Variants in ENOX1 observed in about 807,000 individuals in gnomAD.
The protein encoded by ENOX1 is ecto-NOX disulfide-thiol exchanger 1.
A neutral mutation model predicts 82.5 loss-of-function variants in ENOX1; 42 were observed. The observed-to-expected ratio is 0.51, with a 90% CI of 0.40 to 0.66. The LOEUF (loss-of-function observed/expected upper bound fraction) is 0.66. Ranked by LOEUF, ENOX1 falls within the 30% of genes least tolerant of loss-of-function variation. The probability of loss-of-function intolerance (pLI) is 0.00; values close to 1 mark genes in which losing one functional copy is unlikely to be tolerated. For missense variants in ENOX1, 608 were observed against 811.6 expected, an observed-to-expected ratio of 0.75 and a Z score of 3.05; for synonymous variants, 271 against 282.2, an observed-to-expected ratio of 0.96 and a Z score of 0.40.
At chr13:43,353,991 A>G (rs368386831) in intron 8 of ENOX1, among the ~76,000 whole-genome samples, 1 of 152,268 alleles carries the variant, frequency 6.6e-6, no homozygotes, top group Non-Finnish European at 1.5e-5. Context: ...TCTTAAAAAC[A>G]ACATAACTAG....
intron 2 of ENOX1, among the ~76,000 whole-genome samples, chr13:43,594,015 C>T (rs1297523232): frequency 2.6e-5 from 4 of 152,090 alleles, no homozygotes; most frequent in Non-Finnish European, 2.9e-5. Context: ...CGCCCAACAA[C>T]GCCAGGCCCC....
At chr13:43,654,436 A>G (rs528165349) in intron 2 of ENOX1, among the ~76,000 whole-genome samples, 1 of 152,346 alleles carries the variant, frequency 6.6e-6, no homozygotes, top group African/African-American at 2.4e-5. Flanking sequence ...ATATTTATGT[A>G]TCTAATGTAT....
intron 2 of ENOX1, among the ~76,000 whole-genome samples, chr13:43,515,502 T>C (rs991513182): frequency 6.6e-6 from 1 of 152,170 alleles, no homozygotes; most frequent in Non-Finnish European, 1.5e-5. Context: ...TATATAATAT[T>C]TTCTACATCC....
chr13:43,285,549 A>G (rs879357122), intron 12 of ENOX1, among the ~76,000 whole-genome samples: 1 of 152,076 alleles, frequency 6.6e-6, no homozygotes, highest in African/African-American at 2.4e-5. Context: ...TCTCTTAGTC[A>G]TATAAGAAGG....
intron 1 of ENOX1, among the ~76,000 whole-genome samples, chr13:43,698,197 A>G (rs2086733896): frequency 6.6e-6 from 1 of 152,162 alleles, no homozygotes; most frequent in Non-Finnish European, 1.5e-5. Context: ...ACTTTACCAT[A>G]TCCAACAGTG....
At chr13:43,416,218 C>T (rs1378553548) in intron 3 of ENOX1, among the ~76,000 whole-genome samples, 1,330 of 20,776 alleles carry the variant, frequency 0.064, 2 homozygotes, top group Admixed American at 0.092. Context: ...TGGGCAGAGG[C>T]GCTCCTCACT....
intron 2 of ENOX1, among the ~76,000 whole-genome samples, chr13:43,615,327 G>GCCC (rs1457055390): frequency 6.6e-6 from 1 of 151,976 alleles, no homozygotes; most frequent in African/African-American, 2.4e-5. Context: ...GAGCAATAAC[G>GCCC]CCCCCCAAAA....
intron 3 of ENOX1, among the ~76,000 whole-genome samples, chr13:43,469,749 A>G (rs2057904450): frequency 6.6e-6 from 1 of 152,006 alleles, no homozygotes; most frequent in African/African-American, 2.4e-5. Flanking sequence ...CTAATTTCTT[A>G]GAAACCAGGA....
intron 3 of ENOX1, among the ~76,000 whole-genome samples, chr13:43,472,080 T>C (rs2153648510): frequency 6.6e-6 from 1 of 152,094 alleles, no homozygotes; most frequent in Non-Finnish European, 1.5e-5. Flanking sequence ...TTACTAGCCA[T>C]GCTTCATAAA....
chr13:43,540,142 T>G (rs748270355), intron 2 of ENOX1, among the ~76,000 whole-genome samples: 8 of 152,232 alleles, frequency 5.3e-5, no homozygotes, highest in Non-Finnish European at 7.3e-5. Flanking sequence ...CTATTGACAA[T>G]GAATACAATT....
chr13:43,705,082 T>C (rs2087165582), intron 1 of ENOX1, among the ~76,000 whole-genome samples: 2 of 151,670 alleles, frequency 1.3e-5, no homozygotes, highest in Middle Eastern at 3.4e-3. Context: ...ATATAAAACA[T>C]AATACTAAAA....
chr13:43,677,138 C>T (rs1377264416), intron 1 of ENOX1, among the ~76,000 whole-genome samples: 1 of 151,944 alleles, frequency 6.6e-6, no homozygotes, highest in African/African-American at 2.4e-5. Flanking sequence ...AATTTTCTTT[C>T]CTTTCTGGGA....
At chr13:43,412,780 C>T in intron 4 of ENOX1, 65 bp downstream of exon 4, 1 of 1,595,504 alleles carries the variant, frequency 6.3e-7, no homozygotes, top group Non-Finnish European at 8.6e-7. Context: ...CAAGGTGGGG[C>T]AAGCTTTTCC....
chr13:43,285,342 G>A (rs1225075243), intron 12 of ENOX1, among the ~76,000 whole-genome samples: 6 of 152,092 alleles, frequency 3.9e-5, no homozygotes, highest in Admixed American at 3.9e-4. Context: ...ATATGTAAAT[G>A]TTAGCAATAG....
chr13:43,352,933 A>C (rs1367221876), intron 8 of ENOX1, among the ~76,000 whole-genome samples: 4 of 152,166 alleles, frequency 2.6e-5, no homozygotes, highest in Non-Finnish European at 5.9e-5. Flanking sequence ...ATAGTGCACT[A>C]TTATAAGTGG....
chr13:43,770,485 T>C (rs1594753470), intron 1 of ENOX1, among the ~76,000 whole-genome samples: 1 of 152,202 alleles, frequency 6.6e-6, no homozygotes, highest in East Asian at 1.9e-4. Context: ...ATGTTCTATT[T>C]ATGCTAGTTT....
intron 15 of ENOX1, among the ~76,000 whole-genome samples, chr13:43,225,046 A>G (rs1313939293): frequency 2.0e-5 from 3 of 152,234 alleles, no homozygotes; most frequent in Non-Finnish European, 4.4e-5. Flanking sequence ...GGTGGATTGC[A>G]TAAAGAAAAC....
chr13:43,439,381 T>C (rs9594941), intron 3 of ENOX1, among the ~76,000 whole-genome samples: 32,420 of 152,044 alleles, frequency 0.21, 3,796 homozygotes, highest in Middle Eastern at 0.31. Context: ...TTTGTATTTT[T>C]AATAGAGACA....
At chr13:43,764,462 A>C (rs2153836242) in intron 1 of ENOX1, among the ~76,000 whole-genome samples, 1 of 152,350 alleles carries the variant, frequency 6.6e-6, no homozygotes, top group Admixed American at 6.5e-5. Context: ...AAATCATGAA[A>C]AGAGTTACAC....
Sources: allele counts gnomAD v4.1 joint callset (sites outside exome capture counted in the v4.1 genomes callset), GRCh38; gene constraint gnomAD v4.1.1; transcripts MANE v1.5; gene names NCBI Gene and HGNC (gene_info 2026-07-23, HGNC 2026-07-21).